Variants in COL6A5 observed in about 807,000 individuals in gnomAD.
COL6A5 encodes collagen alpha-5(VI) chain.
Under a neutral mutation model 65.6 loss-of-function variants are expected in COL6A5, and 48 were observed. The ratio of observed to expected loss-of-function variants is 0.73; its 90% CI spans 0.58 to 0.93. The LOEUF is 0.93. COL6A5 is among the 40% of genes least tolerant of loss of function. The probability of loss-of-function intolerance (pLI) is 0.00; values close to 1 mark genes in which losing one functional copy is unlikely to be tolerated. For missense variants in COL6A5, 914 were observed against 928.3 expected (o/e 0.98, Z 0.20); for synonymous variants, 291 against 322.8 (o/e 0.90, Z 1.05).
At chr3:130,403,584 T>G (rs1349676046) in intron 12 of COL6A5, 25 bp from the exon 13 acceptor site, 22 of 1,545,514 alleles carry the variant, frequency 1.4e-5, no homozygotes, top group Non-Finnish European at 1.9e-5. Flanking sequence ...GTGACTAAAA[T>G]GTATTGTTCT....
rs1040917729 is a variant in COL6A5, at chr3:130,405,593, A to G, written c.4287A>G (p.Val1429=). The G allele has an allele frequency of 2.6e-6, 4 of 1,550,682 alleles. No individual in the cohort carries two copies. The African/African-American group carries it at 5.5e-5, about 21-fold the overall frequency. ...GTCTGTGCTCCTTTTCTTAGGGAGT[A>G]CGAGGAGACACAGGACCCCAAGGAG... The change falls in exon 14 of 42, where the codon GTA becomes GTG. Residue 1429 remains valine (V), a synonymous_variant and NMD_transcript_variant. Transcript: ENST00000312481.
rs116349757 is a variant in COL6A5, at chr3:130,393,508, C to T, written c.2993-1382C>T. On this transcript the variant is annotated intron_variant and NMD_transcript_variant, in intron 7 of 41. Transcript: ENST00000312481. ...GCTTAATCTTGTTTGTTTGGGGTGT[C>T]CTCCAAAACTGGCGCATTACTAAGA... Among the ~76,000 whole-genome samples the T allele has an allele frequency of 7.5e-3, 1,135 of 152,224 alleles. 9 individuals carry two copies. Among genetic ancestry groups the T allele is most frequent in the Non-Finnish European group, 0.013 (863 of 68,008 alleles).
At chr3:130,358,937 G>A (rs768603739) in intron 1 of COL6A5, among the ~76,000 whole-genome samples, 6 of 152,046 alleles carry the variant, frequency 3.9e-5, no homozygotes, top group Non-Finnish European at 8.8e-5. Context: ...TATTTATAAA[G>A]AATTGATTAA....
intron 11 of COL6A5, among the ~76,000 whole-genome samples, 186 bp downstream of exon 11, chr3:130,401,359 G>A (rs939274890): frequency 6.6e-5 from 10 of 152,144 alleles, no homozygotes; most frequent in African/African-American, 2.4e-4. Context: ...TTCATTCTTT[G>A]TCATCTCACT....
Position 130,421,308 on chromosome 3 carries a change from T to C in COL6A5, c.5002-17T>C. Reference sequence around the variant, plus strand: ...GTGATATGTTGATGTATTTATGTTCTGTGCTGAAAATTATAGGGCCCAAGA... The same window carrying C: ...GTGATATGTTGATGTATTTATGTTCCGTGCTGAAAATTATAGGGCCCAAGA... On this transcript the variant is annotated splice_polypyrimidine_tract_variant and intron_variant and NMD_transcript_variant, in intron 26 of 41. Coordinates refer to the COL6A5 transcript ENST00000312481. 1 of 1,550,712 alleles carries C rather than the reference T, an allele frequency of 6.4e-7. No individual in the cohort carries two copies. Among genetic ancestry groups the C allele is most frequent in the Non-Finnish European group, 8.7e-7 (1 of 1,146,230 alleles).
At chr3:130,402,449 G>C (rs1936848930) in intron 12 of COL6A5, among the ~76,000 whole-genome samples, 1 of 152,148 alleles carries the variant, frequency 6.6e-6, no homozygotes, top group Non-Finnish European at 1.5e-5. Context: ...CAATGAAAAT[G>C]AATGAACTAC....
exon 7 of COL6A5, chr3:130,391,337 T>C: frequency 6.4e-7 from 1 of 1,551,722 alleles, no homozygotes; most frequent in Non-Finnish European, 8.7e-7. Context: ...CCTCAAATAC[T>C]CTGACCAACC....
intron 1 of COL6A5, among the ~76,000 whole-genome samples, chr3:130,346,718 G>A (rs891135667): frequency 2.6e-5 from 4 of 152,174 alleles, no homozygotes; most frequent in Non-Finnish European, 5.9e-5. Flanking sequence ...ATCTTCATAA[G>A]TTGATGTAGT....
At chr3:130,387,936 GTA>G (rs150981344) in intron 5 of COL6A5, among the ~76,000 whole-genome samples, 11 of 149,954 alleles carry the variant, frequency 7.3e-5, no homozygotes, top group Non-Finnish European at 1.2e-4. Context: ...GTATATATAT[GTA>G]TATATATATA....
chr3:130,367,068 G>C (rs1041013303), intron 1 of COL6A5, among the ~76,000 whole-genome samples: 1 of 152,176 alleles, frequency 6.6e-6, no homozygotes, highest in African/African-American at 2.4e-5. Context: ...TTATCTATAA[G>C]CAGCAGTGTT....
chr3:130,407,987 TGAG>T (rs1360416082), intron 17 of COL6A5, among the ~76,000 whole-genome samples: 2 of 152,292 alleles, frequency 1.3e-5, no homozygotes, highest in East Asian at 3.9e-4. Flanking sequence ...CTTTGTAAGC[TGAG>T]GATATATGTC....
At position 130,426,231 on chromosome 3, in the gene COL6A5, A is replaced by T. The variant is rs762408439; in HGVS notation, c.5181A>T (p.Ala1727=). The T allele has an allele frequency of 1.9e-6, 3 of 1,551,306 alleles. No individual in the cohort carries two copies. In the South Asian group the frequency reaches 3.6e-5, roughly 18 times the overall value. Residue 1727 remains alanine (A), a synonymous_variant and NMD_transcript_variant, in exon 30 of 42, where the codon GCA becomes GCT. Transcript: ENST00000312481. ...TTTCCTAGGGCATTAAAGGCATGGC[A>T]GGGCAGCCTGTATATTCTGTATGTA...
chr3:130,383,464 T>C (rs2107645270), intron 4 of COL6A5, among the ~76,000 whole-genome samples: 1 of 152,208 alleles, frequency 6.6e-6, no homozygotes, highest in Admixed American at 6.6e-5. Flanking sequence ...AATTCTTCTT[T>C]ATTAGATATA....
In COL6A5 at chr3:130,364,245, C is replaced by G. The variant is rs973031775; in HGVS notation, c.-28-9366C>G. ...TTTAAGAATGAACCAAAAATATCCT[C>G]GACCCCACATCTTAGAAATAAATGC... On this transcript the variant is annotated intron_variant and NMD_transcript_variant, in intron 1 of 41. Transcript: ENST00000312481. Among the ~76,000 whole-genome samples the G allele has an allele frequency of 1.6e-4, 24 of 152,164 alleles. No homozygotes were observed. In the East Asian group the frequency reaches 4.2e-3, roughly 27 times the overall value.
rs1457873704 is a variant in COL6A5, at chr3:130,401,748, T to C, written c.4135-14T>C. 1 of 1,534,954 alleles carries C rather than the reference T, an allele frequency of 6.5e-7. No individual in the cohort carries two copies. On this transcript the variant is annotated splice_polypyrimidine_tract_variant and intron_variant and NMD_transcript_variant, in intron 11 of 41. Transcript: ENST00000312481. ...ACAATTGCTATTCCCTCAGCTTTAC[T>C]TTTTTTCCCCCAGGGAAATATTGCA...
chr3:130,473,993 G>A (rs1164041747), intron 7 of COL6A5, among the ~76,000 whole-genome samples: 8 of 152,062 alleles, frequency 5.3e-5, no homozygotes, highest in Non-Finnish European at 8.8e-5. Flanking sequence ...GTAGTAACTT[G>A]TAATGACATC....
chr3:130,346,789 A>G (rs1311943803), intron 1 of COL6A5, among the ~76,000 whole-genome samples: 2 of 152,184 alleles, frequency 1.3e-5, no homozygotes, highest in South Asian at 2.1e-4. Context: ...GAAATTAATC[A>G]TTGTTAACTC....
At chr3:130,431,256 C>T (rs112781478), upstream of COL6A5, 3,225 of 699,412 alleles carry the variant, frequency 4.6e-3, 83 homozygotes, top group African/African-American at 0.05. Flanking sequence ...ATTATATAGC[C>T]AAATATTCAT....
chr3:130,411,965 G>A (rs1418369357), intron 20 of COL6A5, among the ~76,000 whole-genome samples: 5 of 152,162 alleles, frequency 3.3e-5, no homozygotes, highest in Non-Finnish European at 7.4e-5. Flanking sequence ...AGAGTTCTCT[G>A]TGAGGGTGGG....
Sources: gnomAD v4.1 joint callset for allele counts (sites outside exome capture counted in the v4.1 genomes callset) on GRCh38, gnomAD v4.1.1 for gene constraint, MANE v1.5 for transcripts, NCBI Gene and HGNC (gene_info 2026-07-23, HGNC 2026-07-21) for gene names.